ERI3: variants seen among roughly 807,000 people sequenced by gnomAD.
ERI3 encodes ERI1 exoribonuclease 3.
A neutral mutation model predicts 44.4 loss-of-function variants in ERI3; 18 were observed. That is an observed-to-expected ratio of 0.41 (90% CI 0.28 to 0.60). The LOEUF (loss-of-function observed/expected upper bound fraction) is 0.60. ERI3 is among the 20% of genes least tolerant of loss of function. ERI3 has a pLI of 0.36. For missense variants in ERI3, 294 were observed against 435.5 expected, an observed-to-expected ratio of 0.68 and a Z score of 2.89; for synonymous variants, 183 against 164.8, an observed-to-expected ratio of 1.11 and a Z score of -0.84.
chr1:44,316,536 T>C (rs948151363), intron 4 of ERI3, among the ~76,000 whole-genome samples: 1 of 152,224 alleles, frequency 6.6e-6, no homozygotes, highest in Non-Finnish European at 1.5e-5. Flanking sequence ...TCAGTGCCAA[T>C]AGCATGTCAG....
Position 44,251,367 on chromosome 1 carries a change from C to T in ERI3, c.832-3329G>A, listed in dbSNP as rs530416443. On this transcript the variant is annotated intron_variant, in intron 7 of 8. Coordinates refer to ENST00000372257, the MANE Select transcript of ERI3 (RefSeq NM_024066.3). ...ACTTCCATTACTTGCTCCCTCCATT[C>T]GCCCTCCTTAAGAGATTGGATCTGT... Among the ~76,000 whole-genome samples, 8 of 152,356 alleles carry T rather than the reference C, an allele frequency of 5.3e-5. No homozygotes were observed. The South Asian group carries it at 6.2e-4, about 12-fold the overall frequency.
intron 8 of ERI3, among the ~76,000 whole-genome samples, chr1:44,245,202 G>T (rs1348287578): frequency 2.0e-5 from 3 of 152,088 alleles, no homozygotes; most frequent in African/African-American, 7.2e-5. Flanking sequence ...TCTCTTTGGT[G>T]CGAGGGCCAT....
intron 7 of ERI3, among the ~76,000 whole-genome samples, chr1:44,259,920 T>TAGAC (rs200389542): frequency 0.081 from 10,441 of 129,106 alleles, 549 homozygotes; most frequent in East Asian, 0.13. Flanking sequence ...GATAGATAGA[T>TAGAC]AGACAGACAG....
intron 7 of ERI3, among the ~76,000 whole-genome samples, chr1:44,260,189 A>C (rs1424269795): frequency 3.9e-5 from 6 of 152,222 alleles, no homozygotes; most frequent in Non-Finnish European, 1.5e-5. Flanking sequence ...CTTTGACGGG[A>C]AACAGACACA....
intron 2 of ERI3, among the ~76,000 whole-genome samples, chr1:44,341,609 C>T (rs1646654296): frequency 1.3e-5 from 2 of 152,130 alleles, no homozygotes; most frequent in South Asian, 4.1e-4. Flanking sequence ...TTCTTTTGGC[C>T]AAGCACAGTG....
chr1:44,233,467 G>C (rs933603708), intron 8 of ERI3, among the ~76,000 whole-genome samples: 2 of 150,418 alleles, frequency 1.3e-5, no homozygotes, highest in African/African-American at 4.9e-5. Context: ...GCAATGGTAC[G>C]GTCTCGGCTC....
At chr1:44,310,965 A>ACGCG (rs1211817457) in intron 5 of ERI3, among the ~76,000 whole-genome samples, 8 of 49,718 alleles carry the variant, frequency 1.6e-4, no homozygotes, top group Admixed American at 4.6e-4. Flanking sequence ...GCGCGCGCGC[A>ACGCG]CACACACACA....
At chr1:44,285,315 G>A (rs1645371213) in intron 6 of ERI3, among the ~76,000 whole-genome samples, 1 of 152,190 alleles carries the variant, frequency 6.6e-6, no homozygotes, top group African/African-American at 2.4e-5. Flanking sequence ...ACATGATAGT[G>A]CCAAGAACTG....
intron 3 of ERI3, among the ~76,000 whole-genome samples, chr1:44,330,407 C>T (rs1168200072): frequency 6.6e-6 from 1 of 152,204 alleles, no homozygotes; most frequent in African/African-American, 2.4e-5. Flanking sequence ...TACTGGCCAA[C>T]TACATGCAGG....
In ERI3 at chr1:44,351,112, C is replaced by A. The variant is rs370827213; in HGVS notation, c.211+1738G>T. Among the ~76,000 whole-genome samples, 82 of 151,696 alleles carry A rather than the reference C, an allele frequency of 5.4e-4. 1 individual carries two copies. Among genetic ancestry groups the A allele is most frequent in the African/African-American group, 1.9e-3 (79 of 41,374 alleles). The stretch of plus-strand genomic sequence containing the variant: ...GCAGTGGTGCCATCTCAGCTCACTG[C>A]AACCTCCGCCTTCTGGGTTCAAGCA... On this transcript the variant is annotated intron_variant, in intron 2 of 8. Coordinates refer to ENST00000372257, the MANE Select transcript of ERI3 (RefSeq NM_024066.3).
At chr1:44,240,794 G>C (rs1377430669) in intron 8 of ERI3, among the ~76,000 whole-genome samples, 1 of 152,204 alleles carries the variant, frequency 6.6e-6, no homozygotes, top group African/African-American at 2.4e-5. Flanking sequence ...CTGGTCAGTA[G>C]TGTCCAGGAT....
At chr1:44,307,911 T>G (rs1351584541) in intron 6 of ERI3, among the ~76,000 whole-genome samples, 1 of 152,236 alleles carries the variant, frequency 6.6e-6, no homozygotes, top group Non-Finnish European at 1.5e-5. Flanking sequence ...ATAGGAAGAA[T>G]AATAATGCCT....
At chr1:44,247,706 A>T (rs1018927811) in intron 8 of ERI3, among the ~76,000 whole-genome samples, 1 of 152,056 alleles carries the variant, frequency 6.6e-6, no homozygotes, top group African/African-American at 2.4e-5. Context: ...TCTGTGACTC[A>T]CCCAAAGCCC....
At position 44,237,707 on chromosome 1, in the gene ERI3, A is replaced by T. The variant is rs577157000; in HGVS notation, c.931+10232T>A. 2.0e-5 allele frequency among the ~76,000 whole-genome samples: 3 copies of T among 152,312 alleles called. No individual in the cohort carries two copies. The South Asian group carries it at 6.2e-4, about 32-fold the overall frequency. ...ACTAGGTGCAGCTCTGCCAGGGCAG[A>T]GGCCTCACTGTGCACATGCTCAGGG... On this transcript the variant is annotated intron_variant, in intron 8 of 8. Coordinates refer to ENST00000372257, the MANE Select transcript of ERI3 (RefSeq NM_024066.3).
chr1:44,297,379 G>A (rs2154326167), intron 6 of ERI3, among the ~76,000 whole-genome samples: 1 of 152,050 alleles, frequency 6.6e-6, no homozygotes, highest in Admixed American at 6.5e-5. Flanking sequence ...TAAGACCTCT[G>A]CTCCCTGACT....
chr1:44,261,111 A>G (rs1430438701), intron 7 of ERI3, among the ~76,000 whole-genome samples: 1 of 152,216 alleles, frequency 6.6e-6, no homozygotes, highest in Non-Finnish European at 1.5e-5. Context: ...CAGTCCTTTG[A>G]GAACTCGACA....
At chr1:44,346,646 A>G (rs1023494635) in intron 2 of ERI3, among the ~76,000 whole-genome samples, 7 of 152,300 alleles carry the variant, frequency 4.6e-5, no homozygotes, top group African/African-American at 1.7e-4. Context: ...ATCCCAGAAG[A>G]GAGGTACCCA....
intron 8 of ERI3, among the ~76,000 whole-genome samples, chr1:44,238,991 T>C (rs1644371385): frequency 6.6e-6 from 1 of 151,954 alleles, no homozygotes; most frequent in Non-Finnish European, 1.5e-5. Flanking sequence ...AGCTAACATT[T>C]ATCTCTGCTC....
chr1:44,349,058 A>C (rs1377759997), intron 2 of ERI3, among the ~76,000 whole-genome samples: 1 of 152,224 alleles, frequency 6.6e-6, no homozygotes, highest in East Asian at 1.9e-4. Context: ...TGCTGGTCAC[A>C]CTTTGGTGAA....
Sources: gnomAD v4.1 joint callset for allele counts (sites outside exome capture counted in the v4.1 genomes callset) on GRCh38, gnomAD v4.1.1 for gene constraint, MANE v1.5 for transcripts, NCBI Gene and HGNC (gene_info 2026-07-23, HGNC 2026-07-21) for gene names.